CSRNP3: variants seen among roughly 807,000 people sequenced by gnomAD.
CSRNP3 encodes cysteine/serine-rich nuclear protein 3.
Under a neutral mutation model 48.0 loss-of-function variants are expected in CSRNP3, and 12 were observed. That is an observed-to-expected ratio of 0.25 (90% CI 0.16 to 0.41). The LOEUF is 0.41. Among genes scored for constraint, CSRNP3 ranks in the 10% least tolerant of loss-of-function variants. CSRNP3 has a pLI of 1.00. For missense variants in CSRNP3, 580 were observed against 724.4 expected (o/e 0.80, Z 2.29); for synonymous variants, 263 against 269.7 (o/e 0.98, Z 0.24).
intron 5 of CSRNP3, among the ~76,000 whole-genome samples, chr2:165,673,986 A>C (rs1212202745): frequency 6.6e-6 from 1 of 152,144 alleles, no homozygotes; most frequent in African/African-American, 2.4e-5. Context: ...GTGCCATTGC[A>C]CTCCAGCCTG....
intron 2 of CSRNP3, among the ~76,000 whole-genome samples, chr2:165,514,291 T>G (rs1032071045): frequency 6.6e-6 from 1 of 152,236 alleles, no homozygotes; most frequent in Non-Finnish European, 1.5e-5. Context: ...AAGGCAGTGT[T>G]GAGGCTATCC....
Position 165,578,017 on chromosome 2 carries a change from CAAT to C in CSRNP3, c.-23-17025_-23-17023del, listed in dbSNP as rs1386181541. Among the ~76,000 whole-genome samples, 4 of 152,060 alleles carry C rather than the reference CAAT, an allele frequency of 2.6e-5. No individual in the cohort carries two copies. The East Asian group carries it at 7.7e-4, about 29-fold the overall frequency. On this transcript the variant is annotated intron_variant, in intron 3 of 6. Coordinates refer to ENST00000651982, the MANE Select transcript of CSRNP3 (RefSeq NM_001172173.2). ...AAATGAAAATTTTCTTTTGTTAGTACAATGAGAATCTATAATATTAAACTATCA... is the reference window on the plus strand; with the variant it reads ...AAATGAAAATTTTCTTTTGTTAGTACGAGAATCTATAATATTAAACTATCA...
chr2:165,525,464 A>G (rs1378990656), intron 3 of CSRNP3, among the ~76,000 whole-genome samples: 2 of 147,806 alleles, frequency 1.4e-5, no homozygotes, highest in African/African-American at 5.0e-5. Context: ...TGATGTTTAT[A>G]TATTTCTTTT....
At chr2:165,676,230 A>T in intron 5 of CSRNP3, 82 bp from the exon 6 acceptor site, 1 of 963,108 alleles carries the variant, frequency 1.0e-6, no homozygotes, top group Non-Finnish European at 1.6e-6. Flanking sequence ...GATATATAAT[A>T]GTTCATTCTC....
chr2:165,558,691 A>G (rs1685193125), intron 3 of CSRNP3, among the ~76,000 whole-genome samples: 1 of 152,182 alleles, frequency 6.6e-6, no homozygotes, highest in South Asian at 2.1e-4. Flanking sequence ...AGCCGCAATA[A>G]TTACAAATTA....
rs1329536650 is a variant in CSRNP3, at chr2:165,541,270, T to C, written c.-24+23309T>C. 2.6e-5 allele frequency among the ~76,000 whole-genome samples: 4 copies of C among 151,944 alleles called. No individual in the cohort carries two copies. In the East Asian group the frequency reaches 5.8e-4, roughly 22 times the overall value. Reference sequence around the variant, plus strand: ...GAAGGACTTCCAGGTTCTTTTTTAATTGGATAATTCACATATTGGATATTA... The same window carrying C: ...GAAGGACTTCCAGGTTCTTTTTTAACTGGATAATTCACATATTGGATATTA... On this transcript the variant is annotated intron_variant, in intron 3 of 6. Coordinates refer to ENST00000651982, the MANE Select transcript of CSRNP3 (RefSeq NM_001172173.2).
chr2:165,624,712 TC>T (rs1686399454), intron 4 of CSRNP3, among the ~76,000 whole-genome samples: 1 of 152,142 alleles, frequency 6.6e-6, no homozygotes, highest in South Asian at 2.1e-4. Flanking sequence ...CACCCTTACT[TC>T]CCCTGCCTCT....
chr2:165,577,974 A>G (rs1685480580), intron 3 of CSRNP3, among the ~76,000 whole-genome samples: 2 of 152,086 alleles, frequency 1.3e-5, no homozygotes, highest in Admixed American at 6.5e-5. Context: ...AATGTTGAAA[A>G]TCATTTGAAT....
rs1687664054 is a variant in CSRNP3, at chr2:165,688,320, T to G, written c.*8567T>G. The G allele has an allele frequency of 6.6e-6, 1 of 152,118 alleles. No individual in the cohort carries two copies. The highest frequency in any genetic ancestry group is 1.5e-5 in the Non-Finnish European group (1 of 67,996). 9.4% of individuals were successfully genotyped at this position (152,118 alleles called of 1,614,324 possible). On this transcript the variant is annotated 3_prime_UTR_variant, in exon 7 of 7. Transcript: ENST00000651982. ...TCTTAGTAAAGTTGATCTGCTTTAT[T>G]TTTAGTTTATTGAATTTCTGGTGTA...
At chr2:165,621,187 C>T (rs909676303) in intron 4 of CSRNP3, among the ~76,000 whole-genome samples, 3 of 152,032 alleles carry the variant, frequency 2.0e-5, no homozygotes, top group African/African-American at 7.2e-5. Context: ...ATTGTAGTCC[C>T]GGGCATTGTA....
At chr2:165,600,002 A>G (rs564769120) in intron 4 of CSRNP3, among the ~76,000 whole-genome samples, 1 of 150,032 alleles carries the variant, frequency 6.7e-6, no homozygotes, top group East Asian at 2.0e-4. Flanking sequence ...TTACATATGT[A>G]TACATGTGCC....
intron 2 of CSRNP3, among the ~76,000 whole-genome samples, chr2:165,508,144 A>G (rs1684453963): frequency 6.6e-6 from 1 of 152,066 alleles, no homozygotes; most frequent in Non-Finnish European, 1.5e-5. Flanking sequence ...GCAGCTGAAC[A>G]TGAAAGTACA....
chr2:165,668,397 C>CTTTTT (rs1465526682), intron 5 of CSRNP3, among the ~76,000 whole-genome samples: 1 of 114,436 alleles, frequency 8.7e-6, no homozygotes, highest in African/African-American at 3.6e-5. Context: ...TTCTTTCTTT[C>CTTTTT]TTTCTTTTTT....
At chr2:165,675,741 T>C (rs1346816312) in intron 5 of CSRNP3, among the ~76,000 whole-genome samples, 1 of 152,238 alleles carries the variant, frequency 6.6e-6, no homozygotes, top group Non-Finnish European at 1.5e-5. Context: ...GATTACTTCA[T>C]ATCAAGCCCT....
chr2:165,476,400 A>G (rs754557724), intron 1 of CSRNP3, among the ~76,000 whole-genome samples: 30 of 152,366 alleles, frequency 2.0e-4, no homozygotes, highest in Non-Finnish European at 3.5e-4. Flanking sequence ...AAATATCACC[A>G]CAACTAGGTA....
At chr2:165,584,905 A>G (rs1685602808) in intron 3 of CSRNP3, among the ~76,000 whole-genome samples, 1 of 152,212 alleles carries the variant, frequency 6.6e-6, no homozygotes, top group Non-Finnish European at 1.5e-5. Context: ...AACAAAAAAC[A>G]AAAAAACTCA....
chr2:165,654,831 T>C (rs867292072), intron 4 of CSRNP3, among the ~76,000 whole-genome samples: 2 of 152,302 alleles, frequency 1.3e-5, no homozygotes, highest in South Asian at 4.2e-4. Context: ...GATTTCACCA[T>C]GTTAGCCAGG....
intron 4 of CSRNP3, among the ~76,000 whole-genome samples, chr2:165,641,763 T>C (rs551723606): frequency 6.6e-6 from 1 of 152,254 alleles, no homozygotes; most frequent in East Asian, 1.9e-4. Context: ...GGAATTTTAG[T>C]TTGCTCCAAA....
intron 1 of CSRNP3, among the ~76,000 whole-genome samples, chr2:165,483,127 A>G (rs1237887433): frequency 7.3e-5 from 11 of 151,582 alleles, no homozygotes; most frequent in Non-Finnish European, 1.6e-4. Flanking sequence ...GAGGTTTGCT[A>G]TTCAGTATAC....
Sources: gnomAD v4.1 joint callset for allele counts (sites outside exome capture counted in the v4.1 genomes callset) on GRCh38, gnomAD v4.1.1 for gene constraint, MANE v1.5 for transcripts, NCBI Gene and HGNC (gene_info 2026-07-23, HGNC 2026-07-21) for gene names.